TRIM14: variants seen among roughly 807,000 people sequenced by gnomAD.
TRIM14 encodes tripartite motif-containing protein 14.
Under a neutral mutation model 44.5 loss-of-function variants are expected in TRIM14, and 28 were observed. The observed-to-expected ratio is 0.63, with a 90% CI of 0.47 to 0.86. The LOEUF (loss-of-function observed/expected upper bound fraction) is 0.86, where lower values mean the gene tolerates loss of function less well. Ranked by LOEUF, TRIM14 falls within the 40% of genes least tolerant of loss-of-function variation. TRIM14 has a pLI of 0.00. For missense variants in TRIM14, 607 were observed against 611.1 expected (o/e 0.99, Z 0.07); for synonymous variants, 299 against 269.2 (o/e 1.11, Z -1.08).
In TRIM14 at chr9:98,085,372, T is replaced by G. The variant is rs1424233788; in HGVS notation, c.*2098A>C. The stretch of plus-strand genomic sequence containing the variant: ...TTGGGCAAGTGACTCTGGGTCTCCA[T>G]TTTGCCATGTGTAGAATTGGGAAAA... On this transcript the variant is annotated 3_prime_UTR_variant, in exon 6 of 6. Transcript: ENST00000341469. 1.3e-5 allele frequency: 2 copies of G among 152,338 alleles called. No individual in the cohort carries two copies. The highest frequency in any genetic ancestry group is 2.9e-5 in the Non-Finnish European group (2 of 68,172). 9.4% of individuals were successfully genotyped at this position (152,338 alleles called of 1,614,324 possible). A position where few individuals can be genotyped will look rare whatever the true frequency, so the allele number is the denominator to read the frequency against.
Position 98,096,560 on chromosome 9 carries a change from C to T in TRIM14, c.538-1531G>A, listed in dbSNP as rs571917870. Among the ~76,000 whole-genome samples the T allele has an allele frequency of 7.2e-5, 11 of 152,018 alleles. No individual in the cohort carries two copies. In the East Asian group the frequency reaches 1.2e-3, roughly 16 times the overall value. Reference sequence around the variant, plus strand: ...GATGGAATAAATCAATGCATGAAACCGAGCACAGCCACTTTTTTGCCTTTG... The same window carrying T: ...GATGGAATAAATCAATGCATGAAACTGAGCACAGCCACTTTTTTGCCTTTG... On this transcript the variant is annotated intron_variant, in intron 3 of 5. Transcript: ENST00000341469.
chr9:98,046,607 A>C, the TRIM14 span, among the ~76,000 whole-genome samples: 2 of 151,960 alleles, frequency 1.3e-5, no homozygotes, highest in Non-Finnish European at 2.9e-5. Flanking sequence ...ACACTCGGCT[A>C]ATTTTGCATT....
At chr9:98,065,986 T>C (rs1256096645), downstream of TRIM14, among the ~76,000 whole-genome samples, 6 of 152,134 alleles carry the variant, frequency 3.9e-5, no homozygotes, top group Non-Finnish European at 7.3e-5. Context: ...CCCAGAGTAA[T>C]CACTTTGAGA....
the TRIM14 span, among the ~76,000 whole-genome samples, chr9:98,041,942 C>G: frequency 2.0e-5 from 3 of 151,592 alleles, no homozygotes; most frequent in Non-Finnish European, 4.4e-5. Context: ...CTTGGCCTCC[C>G]GAAGTGTTAG....
intron 6 of TRIM14, chr9:98,075,220 CAGG>C (rs1394986331): frequency 2.0e-5 from 3 of 151,734 alleles, no homozygotes; most frequent in Non-Finnish European, 4.4e-5. Flanking sequence ...GAGACTGAGG[CAGG>C]AGGATTGCTT....
chr9:98,097,065 G>A (rs565990464), intron 3 of TRIM14, among the ~76,000 whole-genome samples: 16 of 152,262 alleles, frequency 1.1e-4, no homozygotes, highest in African/African-American at 3.4e-4. Flanking sequence ...ATGGTGGCAC[G>A]TGCTTGTCGT....
chr9:98,099,354 A>G (rs992883109), intron 3 of TRIM14, among the ~76,000 whole-genome samples: 7 of 150,816 alleles, frequency 4.6e-5, no homozygotes, highest in African/African-American at 1.7e-4. Flanking sequence ...CAGGAGGCTG[A>G]GCCAGGAGAA....
chr9:98,085,560 AGTGTATT>A lies in TRIM14; in HGVS notation c.*1903_*1909del, dbSNP rs1467128220. On this transcript the variant is annotated 3_prime_UTR_variant, in exon 6 of 6. Coordinates refer to ENST00000341469, the MANE Select transcript of TRIM14 (RefSeq NM_014788.4). ...GGGATGGGCAGAAATGTTGGGGTCAAGTGTATTCATCTTCCCTCTGTCAGGAACACCC... is the reference window on the plus strand; with the variant it reads ...GGGATGGGCAGAAATGTTGGGGTCAACATCTTCCCTCTGTCAGGAACACCC... 6.6e-6 allele frequency: 1 copy of A among 152,208 alleles called. No individual in the cohort carries two copies. The highest frequency in any genetic ancestry group is 2.4e-5 in the African/African-American group (1 of 41,412). 9.4% of individuals were successfully genotyped at this position (152,208 alleles called of 1,614,324 possible). A position where few individuals can be genotyped will look rare whatever the true frequency, so the allele number is the denominator to read the frequency against.
chr9:98,106,802 A>G (rs1233572495), intron 2 of TRIM14, among the ~76,000 whole-genome samples: 1 of 149,492 alleles, frequency 6.7e-6, no homozygotes, highest in Non-Finnish European at 1.5e-5. Context: ...AAATCCCAAC[A>G]AACTCTTTTT....
chr9:98,100,094 T>A lies in TRIM14; in HGVS notation c.374A>T (p.Glu125Val). 1 of 1,614,248 alleles carries A rather than the reference T, an allele frequency of 6.2e-7. No individual in the cohort carries two copies. The highest frequency in any genetic ancestry group is 8.5e-7 in the Non-Finnish European group (1 of 1,180,044). Reference protein sequence around the residue: ...FTELRLLLDEEEALAKKFIDK... With the variant: ...FTELRLLLDEVEALAKKFIDK... ...AATGAATTTCTTGGCCAGCGCTTCC[T>A]CTTCGTCAAGTAGTAATCTGAGTTC... Residue 125 changes from glutamate to valine, a missense_variant, in exon 3 of 6, where the codon GAG becomes GTG. Physicochemically the swap from Glu to Val is moderately radical, Grantham distance 121. Around this residue, in one of 3 missense-constraint regions of TRIM14, gnomAD observed 246 missense variants for 270.8 expected, o/e 0.91. Coordinates refer to ENST00000341469, the MANE Select transcript of TRIM14 (RefSeq NM_014788.4).
At chr9:98,103,260 A>C (rs1451036363) in intron 2 of TRIM14, among the ~76,000 whole-genome samples, 1 of 152,202 alleles carries the variant, frequency 6.6e-6, no homozygotes, top group Non-Finnish European at 1.5e-5. Flanking sequence ...CCAGAAAAAA[A>C]AAAAACAGGT....
chr9:98,077,374 A>ATT (rs76602477), intron 6 of TRIM14, among the ~76,000 whole-genome samples: 2 of 141,390 alleles, frequency 1.4e-5, no homozygotes, highest in Non-Finnish European at 3.1e-5. Flanking sequence ...CTTTTTAAGA[A>ATT]TTTTTTTTTT....
At chr9:98,078,294 T>C in intron 6 of TRIM14, 4 of 1,613,906 alleles carry the variant, frequency 2.5e-6, no homozygotes, top group South Asian at 1.1e-5. Context: ...CTTCTTGCAG[T>C]GTACCAGCGC....
At chr9:98,079,014 C>G (rs1484617158) in intron 6 of TRIM14, among the ~76,000 whole-genome samples, 1 of 151,976 alleles carries the variant, frequency 6.6e-6, no homozygotes, top group Non-Finnish European at 1.5e-5. Flanking sequence ...TATTTGCTGA[C>G]TCTCTTATTT....
chr9:98,099,845 T>C (rs1051541097), intron 3 of TRIM14, 86 bp downstream of exon 3: 1 of 1,194,922 alleles, frequency 8.4e-7, no homozygotes, highest in Non-Finnish European at 1.2e-6. Flanking sequence ...TTGCTTAGTG[T>C]GTCAATACTG....
the TRIM14 span, among the ~76,000 whole-genome samples, chr9:98,055,314 C>T: frequency 6.6e-6 from 1 of 152,116 alleles, no homozygotes; most frequent in Non-Finnish European, 1.5e-5. Context: ...CCACTATGCC[C>T]CACCTTGGAG....
chr9:98,041,062 T>C, the TRIM14 span, among the ~76,000 whole-genome samples: 1 of 152,126 alleles, frequency 6.6e-6, no homozygotes, highest in Non-Finnish European at 1.5e-5. Context: ...GTGCTGAGAT[T>C]ACAGGTGTGA....
In TRIM14 at chr9:98,087,275, T is replaced by C. The variant is rs776130802; in HGVS notation, c.*195A>G. 1.1e-6 allele frequency: 1 copy of C among 892,174 alleles called. No homozygotes were observed. Among genetic ancestry groups the C allele is most frequent in the East Asian group, 2.4e-5 (1 of 41,594 alleles). The allele number at this position is 892,174 out of a possible 1,614,324, so 55.3% of individuals were successfully genotyped here. A position where few individuals can be genotyped will look rare whatever the true frequency, so the allele number is the denominator to read the frequency against. ...TGATGAGAGGGCAGCAGCAGACTTGTTTAGGGCCTGTTTGAAACTAGCCTA... is the reference window on the plus strand; with the variant it reads ...TGATGAGAGGGCAGCAGCAGACTTGCTTAGGGCCTGTTTGAAACTAGCCTA... On this transcript the variant is annotated 3_prime_UTR_variant, in exon 6 of 6. Transcript: ENST00000341469.
At chr9:98,052,785 C>T in the TRIM14 span, among the ~76,000 whole-genome samples, 63 of 152,306 alleles carry the variant, frequency 4.1e-4, no homozygotes, top group African/African-American at 1.5e-3. Context: ...GGAATACACG[C>T]GTGAGCCACC....
Sources: allele counts gnomAD v4.1 joint callset (sites outside exome capture counted in the v4.1 genomes callset), GRCh38; gene constraint gnomAD v4.1.1; regional missense constraint gnomAD v4.1.1; transcripts MANE v1.5; gene names NCBI Gene and HGNC (gene_info 2026-07-23, HGNC 2026-07-21).